The following ZNF385D variants were observed in gnomAD, a reference collection of about 807,000 sequenced individuals.
ZNF385D encodes zinc finger protein 659.
Under a neutral mutation model 35.8 loss-of-function variants are expected in ZNF385D, and 15 were observed. That is an observed-to-expected ratio of 0.42 (90% CI 0.28 to 0.64). ZNF385D has a LOEUF of 0.64. Ranked by LOEUF, ZNF385D falls within the 30% of genes least tolerant of loss-of-function variation. ZNF385D has a pLI of 0.23. For synonymous variants in ZNF385D, 212 were observed against 186.8 expected, an observed-to-expected ratio of 1.13 and a Z score of -1.10; for missense variants, 474 against 494.6, an observed-to-expected ratio of 0.96 and a Z score of 0.39.
intron 4 of ZNF385D, among the ~76,000 whole-genome samples, chr3:21,507,383 A>T (rs182448253): frequency 3.3e-4 from 50 of 152,240 alleles, no homozygotes; most frequent in African/African-American, 1.1e-3. Context: ...CTCTTTTCAT[A>T]TAGATTTTTT....
chr3:21,676,607 T>C (rs1233715263), intron 1 of ZNF385D, among the ~76,000 whole-genome samples: 4 of 152,094 alleles, frequency 2.6e-5, no homozygotes, highest in Non-Finnish European at 4.4e-5. Flanking sequence ...TATTATGGTC[T>C]AGGTTCTTTG....
chr3:22,193,189 T>A (rs2125228652), intron 2 of ZNF385D, among the ~76,000 whole-genome samples: 1 of 152,308 alleles, frequency 6.6e-6, no homozygotes, highest in East Asian at 1.9e-4. Context: ...GAGGAAGTAC[T>A]TTATTTGACA....
chr3:22,001,632 G>C (rs1010426629), intron 3 of ZNF385D, among the ~76,000 whole-genome samples: 5 of 151,852 alleles, frequency 3.3e-5, no homozygotes, highest in African/African-American at 1.2e-4. Context: ...GGATCTAACA[G>C]ACATTTACAG....
intron 2 of ZNF385D, among the ~76,000 whole-genome samples, chr3:21,581,590 T>C (rs1255232315): frequency 1.3e-5 from 2 of 152,176 alleles, no homozygotes; most frequent in Non-Finnish European, 2.9e-5. Context: ...TAGTCGATTG[T>C]CAATCATTTT....
intron 3 of ZNF385D, among the ~76,000 whole-genome samples, chr3:22,126,615 G>A (rs771271048): frequency 3.9e-5 from 6 of 152,000 alleles, no homozygotes; most frequent in Admixed American, 2.6e-4. Flanking sequence ...CTCCATCCTT[G>A]AGAATGATCC....
intron 3 of ZNF385D, among the ~76,000 whole-genome samples, chr3:22,012,733 C>T (rs1324710783): frequency 7.2e-5 from 11 of 151,916 alleles, no homozygotes; most frequent in Admixed American, 6.6e-4. Context: ...GGTGCCTACC[C>T]CACTGTGTTA....
chr3:22,123,711 A>C (rs1009880233), intron 3 of ZNF385D, among the ~76,000 whole-genome samples: 1 of 152,206 alleles, frequency 6.6e-6, no homozygotes, highest in African/African-American at 2.4e-5. Flanking sequence ...AAGTACAAAA[A>C]TTAGCTGGGT....
At chr3:22,277,144 CA>C (rs1022414684) in intron 2 of ZNF385D, among the ~76,000 whole-genome samples, 3 of 151,894 alleles carry the variant, frequency 2.0e-5, no homozygotes, top group Non-Finnish European at 4.4e-5. Flanking sequence ...TAATAACTCC[CA>C]AAAGGAAGTA....
At chr3:21,571,412 T>A (rs1327991955) in intron 2 of ZNF385D, among the ~76,000 whole-genome samples, 1 of 152,192 alleles carries the variant, frequency 6.6e-6, no homozygotes, top group Admixed American at 6.6e-5. Context: ...TAAAAACAAT[T>A]CTAGGCATGT....
chr3:21,782,146 T>G (rs1235153241), intron 3 of ZNF385D, among the ~76,000 whole-genome samples: 2 of 152,114 alleles, frequency 1.3e-5, no homozygotes, highest in Non-Finnish European at 2.9e-5. Flanking sequence ...AATGCTGCAT[T>G]GCTTTTCATG....
intron 4 of ZNF385D, among the ~76,000 whole-genome samples, chr3:21,491,951 A>G (rs1705457030): frequency 6.6e-6 from 1 of 152,142 alleles, no homozygotes; most frequent in African/African-American, 2.4e-5. Flanking sequence ...ACACAGACAC[A>G]CATACACACA....
At chr3:21,954,353 A>G (rs887785388) in intron 3 of ZNF385D, among the ~76,000 whole-genome samples, 6 of 152,008 alleles carry the variant, frequency 3.9e-5, no homozygotes. Context: ...AAGTAAACAC[A>G]TAGGGATCAA....
intron 3 of ZNF385D, among the ~76,000 whole-genome samples, chr3:21,898,644 G>A (rs1434335904): frequency 1.3e-5 from 2 of 152,086 alleles, no homozygotes; most frequent in Non-Finnish European, 2.9e-5. Flanking sequence ...ATTAGCCAAA[G>A]TAACACAAGC....
chr3:21,772,542 T>TG (rs879341103), intron 3 of ZNF385D, among the ~76,000 whole-genome samples: 2 of 151,614 alleles, frequency 1.3e-5, no homozygotes, highest in Non-Finnish European at 2.9e-5. Flanking sequence ...TGCATTACAG[T>TG]GGGAAAAAAG....
chr3:21,950,248 T>A (rs1395020753), intron 3 of ZNF385D, among the ~76,000 whole-genome samples: 2 of 151,928 alleles, frequency 1.3e-5, no homozygotes, highest in South Asian at 4.1e-4. Context: ...TGATCACCAT[T>A]CTAACTGGCA....
At chr3:21,696,401 G>A (rs1239020266) in intron 1 of ZNF385D, among the ~76,000 whole-genome samples, 1 of 152,142 alleles carries the variant, frequency 6.6e-6, no homozygotes, top group Non-Finnish European at 1.5e-5. Flanking sequence ...TTACATACAT[G>A]TCACAGAGAA....
At chr3:21,561,447 T>A (rs563591187) in intron 3 of ZNF385D, among the ~76,000 whole-genome samples, 1 of 152,208 alleles carries the variant, frequency 6.6e-6, no homozygotes, top group Non-Finnish European at 1.5e-5. Context: ...CACCCCACCC[T>A]GCTTCTGCTC....
At chr3:21,674,599 A>G (rs13073465) in intron 1 of ZNF385D, among the ~76,000 whole-genome samples, 1 of 152,196 alleles carries the variant, frequency 6.6e-6, no homozygotes, top group Non-Finnish European at 1.5e-5. Flanking sequence ...TGAAACCTAC[A>G]TCAAAGTATT....
intron 2 of ZNF385D, among the ~76,000 whole-genome samples, chr3:21,657,430 T>A (rs1178582532): frequency 6.6e-6 from 1 of 151,992 alleles, no homozygotes; most frequent in Non-Finnish European, 1.5e-5. Context: ...AACTTTCCAT[T>A]CTGCAGAAAG....
Sources: gnomAD v4.1 joint callset for allele counts (sites outside exome capture counted in the v4.1 genomes callset) on GRCh38, gnomAD v4.1.1 for gene constraint, MANE v1.5 for transcripts, NCBI Gene and HGNC (gene_info 2026-07-23, HGNC 2026-07-21) for gene names.